Variants in MED13L observed in about 807,000 individuals in gnomAD.
MED13L encodes the protein mediator complex subunit 13L, also known as mediator of RNA polymerase II transcription subunit 13-like.
MED13L carries 7 observed loss-of-function variants against 220.9 expected under a neutral mutation model. The ratio of observed to expected loss-of-function variants is 0.03; its 90% confidence interval spans 0.02 to 0.06. The LOEUF is 0.06. Among genes scored for constraint, MED13L ranks in the 10% least tolerant of loss-of-function variants. MED13L has a pLI of 1.00. For missense variants in MED13L, 1,965 were observed against 2,760.5 expected (o/e 0.71, Z 6.46); for synonymous variants, 1,011 against 1,015.2 (o/e 1.00, Z 0.08).
intron 2 of MED13L, among the ~76,000 whole-genome samples, chr12:116,189,684 T>C (rs1881139973): frequency 6.6e-6 from 1 of 152,212 alleles, no homozygotes; most frequent in Non-Finnish European, 1.5e-5. Flanking sequence ...GGAGACATTG[T>C]TTGGACTATG....
chr12:116,160,277 C>A (rs1878758262), intron 2 of MED13L, among the ~76,000 whole-genome samples: 1 of 152,086 alleles, frequency 6.6e-6, no homozygotes, highest in South Asian at 2.1e-4. Flanking sequence ...AATTCTTGAG[C>A]AATAAGGTCT....
chr12:116,211,971 T>C (rs902874154), intron 2 of MED13L, among the ~76,000 whole-genome samples: 2 of 152,168 alleles, frequency 1.3e-5, no homozygotes, highest in Admixed American at 1.3e-4. Context: ...TTAAAATAAG[T>C]TGAAATAATG....
At chr12:116,194,541 C>T (rs1392910988) in intron 2 of MED13L, among the ~76,000 whole-genome samples, 2 of 152,160 alleles carry the variant, frequency 1.3e-5, no homozygotes, top group African/African-American at 2.4e-5. Context: ...TCTACAAATC[C>T]TCAATCCATC....
intron 5 of MED13L, among the ~76,000 whole-genome samples, 194 bp from the exon 6 acceptor site, chr12:116,020,166 T>C (rs1879973168): frequency 6.6e-6 from 1 of 152,232 alleles, no homozygotes. Flanking sequence ...GGTCTCACTA[T>C]GTTGCTCAGG....
chr12:116,241,267 T>C (rs1360610603), intron 1 of MED13L, among the ~76,000 whole-genome samples: 2 of 148,832 alleles, frequency 1.3e-5, no homozygotes, highest in Middle Eastern at 3.6e-3. Flanking sequence ...ATTGAGCCAC[T>C]GCACTCCAGC....
intron 2 of MED13L, among the ~76,000 whole-genome samples, chr12:116,114,393 TACC>T (rs1340740657): frequency 6.6e-6 from 1 of 152,230 alleles, no homozygotes; most frequent in Non-Finnish European, 1.5e-5. Context: ...ATGCCAGCTT[TACC>T]ACAATTGCTG....
chr12:116,181,403 T>G (rs1161445764), intron 2 of MED13L: 1 of 152,190 alleles, frequency 6.6e-6, no homozygotes, highest in Non-Finnish European at 1.5e-5. Flanking sequence ...AAATTTCCTT[T>G]GCATGCCAGC....
At chr12:116,125,878 G>C (rs955668230) in intron 2 of MED13L, among the ~76,000 whole-genome samples, 1 of 151,152 alleles carries the variant, frequency 6.6e-6, no homozygotes, top group Non-Finnish European at 1.5e-5. Flanking sequence ...AAACAACTAT[G>C]GTTTACATAT....
chr12:115,973,632 A>G (rs1876736692), intron 25 of MED13L, among the ~76,000 whole-genome samples: 1 of 152,182 alleles, frequency 6.6e-6, no homozygotes. Context: ...ACTTTCCCCA[A>G]GGGTTAAGAA....
rs770079392 is a variant in MED13L at position 115,984,174 on chromosome 12, A to G, written c.4531+6T>C. 1 of 1,613,360 alleles carries G rather than the reference A, an allele frequency of 6.2e-7. No homozygotes were observed. Among genetic ancestry groups the G allele is most frequent in the Non-Finnish European group, 8.5e-7 (1 of 1,179,864 alleles). Reference sequence around the variant, plus strand: ...ATTCTACTTTGCCAAATAAATTCCCATTTACCTAGGTGATGGCGGCAAACT... The same window carrying G: ...ATTCTACTTTGCCAAATAAATTCCCGTTTACCTAGGTGATGGCGGCAAACT... On this transcript the variant is annotated splice_donor_region_variant and intron_variant, in intron 20 of 30. Transcript: ENST00000281928.
chr12:116,265,616 CT>C (rs908105781), intron 1 of MED13L, among the ~76,000 whole-genome samples: 4 of 152,158 alleles, frequency 2.6e-5, no homozygotes, highest in African/African-American at 7.2e-5. Flanking sequence ...TAATATAGCA[CT>C]TTTTTTAAAG....
intron 1 of MED13L, among the ~76,000 whole-genome samples, chr12:116,267,338 C>A (rs1343294830): frequency 6.6e-6 from 1 of 152,190 alleles, no homozygotes; most frequent in Non-Finnish European, 1.5e-5. Context: ...GACACAAGAA[C>A]AATTTAATCC....
Position 115,961,093 on chromosome 12 carries a change from TG to T in MED13L, c.*172del. 1 of 869,522 alleles carries T rather than the reference TG, an allele frequency of 1.2e-6. No homozygotes were observed. Among genetic ancestry groups the T allele is most frequent in the Non-Finnish European group, 1.8e-6 (1 of 550,680 alleles). 53.9% of individuals were successfully genotyped at this position (869,522 alleles called of 1,614,324 possible). ...TGAGAGAAGTGTCAAGGAGTCACTC[TG>T]GTAATGAACACTGCAGAATTGACAT... On this transcript the variant is annotated 3_prime_UTR_variant, in exon 31 of 31. Coordinates refer to ENST00000281928, the MANE Select transcript of MED13L (RefSeq NM_015335.5).
chr12:116,159,256 C>T (rs1269520989), intron 2 of MED13L, among the ~76,000 whole-genome samples: 1 of 152,146 alleles, frequency 6.6e-6, no homozygotes, highest in African/African-American at 2.4e-5. Context: ...ATTATTATGT[C>T]CAACAAATGG....
chr12:116,230,558 T>C (rs1869455766), intron 2 of MED13L: 1 of 785,684 alleles, frequency 1.3e-6, no homozygotes, highest in African/African-American at 1.9e-5. Flanking sequence ...ATCCAAATAC[T>C]GCAAATACAA....
At position 116,026,906 on chromosome 12, in the gene MED13L, C is replaced by T. The variant is rs1053792948; in HGVS notation, c.480-4305G>A. On this transcript the variant is annotated intron_variant, in intron 4 of 30. Coordinates refer to ENST00000281928, the MANE Select transcript of MED13L (RefSeq NM_015335.5). ...TGTTAACTAAACTATGGTATGTAAG[C>T]CACAAAGTAATGCCCTGCAGCCATG... is the stretch of plus-strand genomic sequence containing the variant. Among the ~76,000 whole-genome samples, 4 of 152,044 alleles carry T rather than the reference C, an allele frequency of 2.6e-5. No individual in the cohort carries two copies. In the East Asian group the frequency reaches 7.7e-4, roughly 29 times the overall value.
At chr12:115,978,515 C>T (rs755595617) in intron 23 of MED13L, among the ~76,000 whole-genome samples, 15 of 152,006 alleles carry the variant, frequency 9.9e-5, no homozygotes, top group Non-Finnish European at 1.5e-4. Flanking sequence ...TTAGTGGAGA[C>T]GGGATTTTGC....
intron 2 of MED13L, among the ~76,000 whole-genome samples, chr12:116,229,696 G>C (rs1869361016): frequency 6.6e-6 from 1 of 152,092 alleles, no homozygotes; most frequent in African/African-American, 2.4e-5. Flanking sequence ...TGAAAGAACT[G>C]AGATTATGAT....
At chr12:116,266,360 T>C (rs1872829660) in intron 1 of MED13L, among the ~76,000 whole-genome samples, 1 of 152,130 alleles carries the variant, frequency 6.6e-6, no homozygotes, top group Admixed American at 6.6e-5. Flanking sequence ...CTGCCACTAG[T>C]ATCAGCAAAG....
Sources: gnomAD v4.1 joint callset for allele counts (sites outside exome capture counted in the v4.1 genomes callset) on GRCh38, gnomAD v4.1.1 for gene constraint, MANE v1.5 for transcripts, NCBI Gene and HGNC (gene_info 2026-07-23, HGNC 2026-07-21) for gene names.